Variants in FNIP1 observed in about 807,000 individuals in gnomAD.
The protein encoded by FNIP1 is folliculin interacting protein 1.
Under a neutral mutation model 124.5 loss-of-function variants are expected in FNIP1, and 40 were observed. The ratio of observed to expected loss-of-function variants is 0.32; its 90% CI spans 0.25 to 0.42. The LOEUF (loss-of-function observed/expected upper bound fraction) is 0.42, where lower values mean the gene tolerates loss of function less well. Ranked by LOEUF, FNIP1 falls within the 10% of genes least tolerant of loss-of-function variation. The probability of loss-of-function intolerance (pLI) is 1.00; values close to 1 mark genes in which losing one functional copy is unlikely to be tolerated. For missense variants in FNIP1, 1,176 were observed against 1,403.7 expected, an observed-to-expected ratio of 0.84 and a Z score of 2.59; for synonymous variants, 472 against 470.6, an observed-to-expected ratio of 1.00 and a Z score of -0.04.
intron 13 of FNIP1, among the ~76,000 whole-genome samples, chr5:131,675,936 T>A (rs1413416176): frequency 9.2e-5 from 14 of 152,152 alleles, no homozygotes; most frequent in Admixed American, 8.5e-4. Context: ...CTCGGCTCAT[T>A]GCAACCTCTG....
intron 15 of FNIP1, among the ~76,000 whole-genome samples, chr5:131,654,815 A>G (rs1767143994): frequency 1.3e-5 from 2 of 152,234 alleles, no homozygotes; most frequent in African/African-American, 4.8e-5. Context: ...CATTTGTGAG[A>G]AATGATATTG....
intron 1 of FNIP1, among the ~76,000 whole-genome samples, chr5:131,772,420 CAAAAAA>C (rs10579529): frequency 6.9e-6 from 1 of 144,914 alleles, no homozygotes; most frequent in Non-Finnish European, 1.5e-5. Context: ...AAATTCAAAC[CAAAAAA>C]AAAAAAAAAA....
intron 1 of FNIP1, among the ~76,000 whole-genome samples, chr5:131,787,664 C>T (rs983479422): frequency 6.6e-6 from 1 of 152,166 alleles, no homozygotes; most frequent in Non-Finnish European, 1.5e-5. Flanking sequence ...GATAATCAGA[C>T]CTCTTTATAA....
At chr5:131,779,249 C>G (rs1362099162) in intron 1 of FNIP1, among the ~76,000 whole-genome samples, 1 of 151,602 alleles carries the variant, frequency 6.6e-6, no homozygotes, top group East Asian at 1.9e-4. Context: ...TTCAAACATC[C>G]AACTCTAAAA....
intron 9 of FNIP1, among the ~76,000 whole-genome samples, chr5:131,705,421 C>T (rs1769073144): frequency 6.6e-6 from 1 of 151,902 alleles, no homozygotes; most frequent in Admixed American, 6.6e-5. Flanking sequence ...CTGCAGTGAG[C>T]CGGGATTATG....
chr5:131,709,155 C>T lies in FNIP1; in HGVS notation c.778+46G>A, dbSNP rs1769209145. On this transcript the variant is annotated intron_variant, in intron 8 of 17. Transcript: ENST00000510461. ...GGAGGGATAAAAAAGAAAATCAATGCCAACAGTAATCTCATAAAAAACTGA... is the reference window on the plus strand; with the variant it reads ...GGAGGGATAAAAAAGAAAATCAATGTCAACAGTAATCTCATAAAAAACTGA... 3.4e-6 allele frequency: 5 copies of T among 1,491,724 alleles called. No homozygotes were observed. In the South Asian group the frequency reaches 3.4e-5, roughly 10 times the overall value. 92.4% of individuals were successfully genotyped at this position (1,491,724 alleles called of 1,614,324 possible). A position where few individuals can be genotyped will look rare whatever the true frequency, so the allele number is the denominator to read the frequency against.
At chr5:131,767,147 T>C (rs1771452676) in intron 1 of FNIP1, among the ~76,000 whole-genome samples, 1 of 151,978 alleles carries the variant, frequency 6.6e-6, no homozygotes, top group African/African-American at 2.4e-5. Context: ...AAAAGAAATT[T>C]TCTTGGCCAG....
In FNIP1 at chr5:131,704,897, AC is replaced by A. The variant is rs1413622914; in HGVS notation, c.915-632del. 1.3e-4 allele frequency among the ~76,000 whole-genome samples: 20 copies of A among 152,288 alleles called. No individual in the cohort carries two copies. In the East Asian group the frequency reaches 2.5e-3, roughly 19 times the overall value. ...ATTTGGCAATGGTTTCTTGGATATA[AC>A]ACAAAAGGCACAGTCAACAAAGGAA... On this transcript the variant is annotated intron_variant, in intron 9 of 17. Transcript: ENST00000510461.
chr5:131,760,820 C>G (rs1023996104), intron 1 of FNIP1, among the ~76,000 whole-genome samples: 1 of 150,928 alleles, frequency 6.6e-6, no homozygotes, highest in Non-Finnish European at 1.5e-5. Flanking sequence ...TTCACCACCA[C>G]CACCAAGCAG....
intron 1 of FNIP1, among the ~76,000 whole-genome samples, chr5:131,766,482 C>T (rs1292124475): frequency 4.6e-5 from 7 of 152,202 alleles, no homozygotes; most frequent in Admixed American, 4.6e-4. Context: ...AGCCAGGAAG[C>T]AGTCAAGCCC....
chr5:131,682,258 T>G (rs115710902), intron 11 of FNIP1, among the ~76,000 whole-genome samples: 1 of 152,198 alleles, frequency 6.6e-6, no homozygotes, highest in Non-Finnish European at 1.5e-5. Flanking sequence ...ACACTGGTAT[T>G]AGTGGTCCAA....
chr5:131,697,968 CAAAA>C (rs753487190), intron 11 of FNIP1, among the ~76,000 whole-genome samples: 1 of 58,774 alleles, frequency 1.7e-5, no homozygotes, highest in Non-Finnish European at 4.3e-5. Context: ...GACTCCACCT[CAAAA>C]AAAAAAAAAA....
chr5:131,776,979 C>T (rs760609750), intron 1 of FNIP1, among the ~76,000 whole-genome samples: 8 of 152,048 alleles, frequency 5.3e-5, no homozygotes, highest in Non-Finnish European at 1.2e-4. Context: ...TGTCTATAAT[C>T]CCAGCACTCT....
chr5:131,752,037 G>C (rs535682301), intron 1 of FNIP1, among the ~76,000 whole-genome samples: 175 of 152,238 alleles, frequency 1.1e-3, no homozygotes, highest in African/African-American at 4.1e-3. Flanking sequence ...AAACTTATTT[G>C]TGAGTTTGTA....
chr5:131,647,313 A>G lies in FNIP1; in HGVS notation c.3307-108T>C, dbSNP rs1235273880. On this transcript the variant is annotated intron_variant, in intron 16 of 17. Coordinates refer to ENST00000510461, the MANE Select transcript of FNIP1 (RefSeq NM_133372.3). ...TTGACAATTCTGTTTGTTTATTTCAATATGAACTAAAATTTGGAGCACATT... is the reference window on the plus strand; with the variant it reads ...TTGACAATTCTGTTTGTTTATTTCAGTATGAACTAAAATTTGGAGCACATT... 7.7e-6 allele frequency: 6 copies of G among 778,762 alleles called. No homozygotes were observed. The South Asian group carries it at 8.2e-5, about 11-fold the overall frequency. 48.2% of individuals were successfully genotyped at this position (778,762 alleles called of 1,614,324 possible).
intron 6 of FNIP1, among the ~76,000 whole-genome samples, chr5:131,714,943 G>A (rs1055529159): frequency 1.3e-5 from 2 of 152,112 alleles, no homozygotes; most frequent in East Asian, 3.9e-4. Flanking sequence ...TATTACAGGT[G>A]CTCACCACAT....
intron 3 of FNIP1, among the ~76,000 whole-genome samples, chr5:131,719,984 T>C (rs1234257169): frequency 6.6e-6 from 1 of 152,192 alleles, no homozygotes; most frequent in Non-Finnish European, 1.5e-5. Context: ...GAAAAACATA[T>C]TAAAATTCAC....
rs1182850784 is a variant in FNIP1, at chr5:131,698,898, A to C, written c.1202+19T>G. On this transcript the variant is annotated intron_variant, in intron 11 of 17. Coordinates refer to ENST00000510461, the MANE Select transcript of FNIP1 (RefSeq NM_133372.3). Reference sequence around the variant, plus strand: ...TACACTATGAATTACTGCATTATGGAAAGCTGGGCAATATGTACCTGAATT... The same window carrying C: ...TACACTATGAATTACTGCATTATGGCAAGCTGGGCAATATGTACCTGAATT... The C allele has an allele frequency of 3.2e-6, 5 of 1,584,356 alleles. No individual in the cohort carries two copies. The highest frequency in any genetic ancestry group is 4.3e-6 in the Non-Finnish European group (5 of 1,167,192).
At chr5:131,755,238 T>C (rs926118077) in intron 1 of FNIP1, among the ~76,000 whole-genome samples, 1 of 151,904 alleles carries the variant, frequency 6.6e-6, no homozygotes, top group African/African-American at 2.4e-5. Context: ...CTGGCCAACA[T>C]GGCAAAACCC....
Sources: allele counts gnomAD v4.1 joint callset (sites outside exome capture counted in the v4.1 genomes callset), GRCh38; gene constraint gnomAD v4.1.1; transcripts MANE v1.5; gene names NCBI Gene and HGNC (gene_info 2026-07-23, HGNC 2026-07-21).